SLC45A4: variants seen among roughly 807,000 people sequenced by gnomAD.
SLC45A4 encodes polyamine-transporter SLC45A4.
In SLC45A4, 32 loss-of-function variants were observed where a neutral mutation model predicts 63.7. The ratio of observed to expected loss-of-function variants is 0.50; its 90% CI spans 0.38 to 0.67. The LOEUF is 0.67. Among genes scored for constraint, SLC45A4 ranks in the 30% least tolerant of loss-of-function variants. The pLI, the probability that SLC45A4 is intolerant of heterozygous loss-of-function variation, is 0.00. For missense variants in SLC45A4, 1,027 were observed against 1,157.7 expected (o/e 0.89, Z 1.64); for synonymous variants, 535 against 510.0 (o/e 1.05, Z -0.66).
chr8:141,230,529 T>C (rs1827287558), intron 2 of SLC45A4, among the ~76,000 whole-genome samples: 1 of 152,232 alleles, frequency 6.6e-6, no homozygotes, highest in Non-Finnish European at 1.5e-5. Flanking sequence ...GCCCCAAGCG[T>C]GCCCAGCTCC....
chr8:141,216,953 G>T (rs545576975), intron 6 of SLC45A4, 137 bp downstream of exon 6: 155 of 779,946 alleles, frequency 2.0e-4, no homozygotes, highest in Non-Finnish European at 1.9e-4. Context: ...TCCCCAAGGG[G>T]TGGCCCTGTT....
intron 2 of SLC45A4, among the ~76,000 whole-genome samples, chr8:141,232,932 C>T (rs765816356): frequency 1.6e-4 from 24 of 152,186 alleles, no homozygotes; most frequent in South Asian, 1.2e-3. Context: ...GCTACCACCC[C>T]GCCCAATCTC....
intron 7 of SLC45A4, 102 bp from the exon 8 acceptor site, chr8:141,212,658 C>T (rs574873462): frequency 5.8e-6 from 8 of 1,378,472 alleles, no homozygotes; most frequent in South Asian, 4.4e-5. Context: ...AAACATGACC[C>T]GTCTTCCACC....
chr8:141,262,426 A>G (rs527621431), intron 1 of SLC45A4, among the ~76,000 whole-genome samples: 10 of 150,412 alleles, frequency 6.6e-5, no homozygotes, highest in East Asian at 5.8e-4. Context: ...CAGAGTGAAC[A>G]GGCAACCTAC....
In SLC45A4 at chr8:141,227,363, G is replaced by A. The variant is rs1340888464; in HGVS notation, c.242-5598C>T. On this transcript the variant is annotated intron_variant, in intron 2 of 8. Transcript: ENST00000517878. The surrounding 1 kb of genome is among the most constrained non-coding windows in gnomAD (Gnocchi z 4.4). ...AGGAGTGGGAAAGTCGCCTATAAAT[G>A]TTTAACAAAAGATCCGCAATGGGAA... 3.3e-5 allele frequency among the ~76,000 whole-genome samples: 5 copies of A among 152,152 alleles called. No homozygotes were observed. The highest frequency in any genetic ancestry group is 1.2e-4 in the African/African-American group (5 of 41,428).
chr8:141,285,941 C>T (rs1830127820), intron 1 of SLC45A4, among the ~76,000 whole-genome samples: 1 of 152,224 alleles, frequency 6.6e-6, no homozygotes, highest in Admixed American at 6.5e-5. Flanking sequence ...CTCCTTGACA[C>T]TGTTCCTCAG....
Position 141,258,017 on chromosome 8 carries a change from C to T in SLC45A4, c.-400-3388G>A, listed in dbSNP as rs143127196. 3.4e-3 allele frequency among the ~76,000 whole-genome samples: 521 copies of T among 151,564 alleles called. 7 individuals are homozygous for T. Among genetic ancestry groups the T allele is most frequent in the African/African-American group, 0.012 (497 of 41,322 alleles). ...TGAACATTTCCGGGATTTCGGGCCA[C>T]AGATGGTCTCTGTTGTACATTCTCC... On this transcript the variant is annotated intron_variant, in intron 1 of 8. Transcript: ENST00000517878.
chr8:141,301,760 A>AAAAAAAAAAAAAAAAC (rs1259440451), intron 1 of SLC45A4, among the ~76,000 whole-genome samples: 1 of 125,894 alleles, frequency 7.9e-6, no homozygotes, highest in Non-Finnish European at 1.7e-5. Flanking sequence ...AAAAAAAAAA[A>AAAAAAAAAAAAAAAAC]AATCCTGGGC....
chr8:141,245,438 C>T (rs536740286), intron 2 of SLC45A4, among the ~76,000 whole-genome samples: 24 of 152,184 alleles, frequency 1.6e-4, no homozygotes, highest in African/African-American at 3.1e-4. Context: ...CATCACTCAA[C>T]GAACAATGGG....
intron 1 of SLC45A4, among the ~76,000 whole-genome samples, chr8:141,257,799 A>G (rs1828861047): frequency 6.6e-6 from 1 of 152,212 alleles, no homozygotes; most frequent in African/African-American, 2.4e-5. Context: ...AACTCACCAC[A>G]GTGCACAGAA....
At chr8:141,253,965 C>T (rs1019867199) in intron 2 of SLC45A4, 24 bp downstream of exon 2, 7 of 1,535,390 alleles carry the variant, frequency 4.6e-6, no homozygotes, top group East Asian at 4.9e-5. Context: ...GCGTTCACTG[C>T]GCACAGACGG....
chr8:141,241,789 T>C (rs1479657410), intron 2 of SLC45A4, among the ~76,000 whole-genome samples: 4 of 151,994 alleles, frequency 2.6e-5, no homozygotes, highest in Non-Finnish European at 5.9e-5. Flanking sequence ...CCCCCAGCAC[T>C]AGGAGGGACC....
chr8:141,242,842 G>A (rs768350720), intron 2 of SLC45A4, among the ~76,000 whole-genome samples: 1 of 152,188 alleles, frequency 6.6e-6, no homozygotes, highest in Non-Finnish European at 1.5e-5. Context: ...CAAACACCGC[G>A]GGAAGCTGAA....
intron 1 of SLC45A4, among the ~76,000 whole-genome samples, chr8:141,292,144 T>C (rs1310127927): frequency 6.6e-6 from 1 of 152,222 alleles, no homozygotes; most frequent in East Asian, 1.9e-4. Flanking sequence ...GCCTCGAAGC[T>C]GCACACGGCA....
rs553874594 is a variant in SLC45A4, at chr8:141,221,840, G to A, written c.242-75C>T. The A allele has an allele frequency of 1.1e-4, 169 of 1,516,466 alleles. No individual in the cohort carries two copies. In the African/African-American group the frequency reaches 1.2e-3, roughly 11 times the overall value. 93.9% of individuals were successfully genotyped at this position (1,516,466 alleles called of 1,614,324 possible). ...GCCACAGTTTTCCTGGGAGCCCCGCGACAGGCAGGTGCCTCTGTGTACACG... is the reference window on the plus strand; with the variant it reads ...GCCACAGTTTTCCTGGGAGCCCCGCAACAGGCAGGTGCCTCTGTGTACACG... On this transcript the variant is annotated intron_variant, in intron 2 of 8. Transcript: ENST00000517878.
At chr8:141,273,575 T>C (rs1407792639) in intron 1 of SLC45A4, among the ~76,000 whole-genome samples, 2 of 152,006 alleles carry the variant, frequency 1.3e-5, no homozygotes, top group Non-Finnish European at 2.9e-5. Context: ...CTAAATGGTA[T>C]CCAAACATGG....
At chr8:141,258,057 TTCC>T (rs1237038878) in intron 1 of SLC45A4, among the ~76,000 whole-genome samples, 5 of 128,014 alleles carry the variant, frequency 3.9e-5, no homozygotes, top group Admixed American at 1.8e-4. Flanking sequence ...TTGTTTCTTC[TTCC>T]TTTTTTTTTT....
In SLC45A4 at chr8:141,230,041, T is replaced by C. The variant is rs1182162398; in HGVS notation, c.242-8276A>G. 4 of 456,038 alleles carry C rather than the reference T, an allele frequency of 8.8e-6. No homozygotes were observed. The East Asian group carries it at 2.8e-4, about 32-fold the overall frequency. 28.2% of individuals were successfully genotyped at this position (456,038 alleles called of 1,614,324 possible). A position where few individuals can be genotyped will look rare whatever the true frequency, so the allele number is the denominator to read the frequency against. Reference sequence around the variant, plus strand: ...TGGAAGGACAACACCACAGCACCATTACACGATGATAAGAAAGTTCTCTGC... The same window carrying C: ...TGGAAGGACAACACCACAGCACCATCACACGATGATAAGAAAGTTCTCTGC... On this transcript the variant is annotated intron_variant, in intron 2 of 8. Coordinates refer to ENST00000517878, the MANE Select transcript of SLC45A4 (RefSeq NM_001286646.2).
At position 141,254,062 on chromosome 8, in the gene SLC45A4, C is replaced by T; in HGVS notation, c.168G>A (p.Gly56=). Residue 56 remains glycine (G), a synonymous_variant, in exon 2 of 9, where the codon GGG becomes GGA. Coordinates refer to ENST00000517878, the MANE Select transcript of SLC45A4 (RefSeq NM_001286646.2). The surrounding 1 kb of genome is among the most constrained non-coding windows in gnomAD (Gnocchi z 4.5). ...RIPMRLWVMH[G]AVMFGREFCY... ...AGAACTCCCTGCCAAACATCACCGCCCCGTGCATCACCCACAGGCGCATGG... is the reference window on the plus strand; with the variant it reads ...AGAACTCCCTGCCAAACATCACCGCTCCGTGCATCACCCACAGGCGCATGG... 7.2e-6 allele frequency: 11 copies of T among 1,536,172 alleles called. No homozygotes were observed. Among genetic ancestry groups the T allele is most frequent in the Non-Finnish European group, 9.6e-6 (11 of 1,146,912 alleles).
Sources: allele counts gnomAD v4.1 joint callset (sites outside exome capture counted in the v4.1 genomes callset), GRCh38; gene constraint gnomAD v4.1.1; non-coding constraint Gnocchi (gnomAD v3.1); transcripts MANE v1.5; gene names NCBI Gene and HGNC (gene_info 2026-07-23, HGNC 2026-07-21).